VSTM2L: variants seen among roughly 807,000 people sequenced by gnomAD.
VSTM2L encodes V-set and transmembrane domain-containing protein 2-like protein.
A neutral mutation model predicts 19.9 loss-of-function variants in VSTM2L; 9 were observed. That is an observed-to-expected ratio of 0.45 (90% CI 0.27 to 0.79). The LOEUF (loss-of-function observed/expected upper bound fraction) is 0.79, where lower values mean the gene tolerates loss of function less well. VSTM2L is among the 30% of genes least tolerant of loss of function. The pLI, the probability that VSTM2L is intolerant of heterozygous loss-of-function variation, is 0.15. For synonymous variants in VSTM2L, 127 were observed against 133.8 expected (o/e 0.95, Z 0.35); for missense variants, 286 against 295.5 (o/e 0.97, Z 0.24).
chr20:37,932,085 C>T (rs1450344565), intron 2 of VSTM2L, among the ~76,000 whole-genome samples: 1 of 152,174 alleles, frequency 6.6e-6, no homozygotes, highest in Non-Finnish European at 1.5e-5. Context: ...CTTCGGGGTA[C>T]AGGTGAGGAA....
intron 2 of VSTM2L, among the ~76,000 whole-genome samples, chr20:37,933,031 G>C (rs748948366): frequency 6.6e-6 from 1 of 152,266 alleles, no homozygotes; most frequent in East Asian, 1.9e-4. Context: ...AGTGGCCAGA[G>C]AAAGCCCTTA....
At chr20:37,931,362 C>T (rs1481603104) in intron 1 of VSTM2L, among the ~76,000 whole-genome samples, 1 of 152,282 alleles carries the variant, frequency 6.6e-6, no homozygotes, top group South Asian at 2.1e-4. Context: ...TCTCCCACAG[C>T]GCCCGGCTGC....
At chr20:37,926,186 C>T (rs936437489) in intron 1 of VSTM2L, among the ~76,000 whole-genome samples, 22 of 152,174 alleles carry the variant, frequency 1.4e-4, no homozygotes, top group African/African-American at 5.1e-4. Flanking sequence ...CTCAGCCTAA[C>T]AAGTAGCTGA....
At chr20:37,910,634 C>T (rs754758867) in intron 1 of VSTM2L, among the ~76,000 whole-genome samples, 60 of 152,246 alleles carry the variant, frequency 3.9e-4, no homozygotes, top group Non-Finnish European at 7.5e-4. Flanking sequence ...AAGTATAGAG[C>T]TGGGTGCGGT....
At position 37,920,349 on chromosome 20, in the gene VSTM2L, T is replaced by C. The variant is rs1424579951; in HGVS notation, c.122-11286T>C. ...TCAGGCACATCACCTTCCTGTTGCA[T>C]CGTGGGCTCCAATCAGAAAGATGAT... On this transcript the variant is annotated intron_variant, in intron 1 of 3. Transcript: ENST00000373461. Among the ~76,000 whole-genome samples, 3 of 152,354 alleles carry C rather than the reference T, an allele frequency of 2.0e-5. No individual in the cohort carries two copies. The South Asian group carries it at 6.2e-4, about 32-fold the overall frequency.
chr20:37,921,078 C>A (rs963889706), intron 1 of VSTM2L, among the ~76,000 whole-genome samples: 2 of 152,192 alleles, frequency 1.3e-5, no homozygotes, highest in Non-Finnish European at 2.9e-5. Context: ...ATAACACACT[C>A]CAGATGTCAT....
At chr20:37,911,026 AC>A (rs1027813088) in intron 1 of VSTM2L, among the ~76,000 whole-genome samples, 6 of 151,808 alleles carry the variant, frequency 4.0e-5, no homozygotes, top group African/African-American at 1.5e-4. Context: ...TAATCCCAGC[AC>A]TTTGGGAGGC....
intron 1 of VSTM2L, among the ~76,000 whole-genome samples, chr20:37,924,567 A>G (rs1462759835): frequency 1.3e-5 from 2 of 151,900 alleles, no homozygotes; most frequent in Non-Finnish European, 2.9e-5. Context: ...AAAAAAAAAA[A>G]AAACAAAACA....
chr20:37,926,401 G>A (rs978004453), intron 1 of VSTM2L, among the ~76,000 whole-genome samples: 14 of 152,018 alleles, frequency 9.2e-5, no homozygotes, highest in Non-Finnish European at 1.9e-4. Flanking sequence ...AGGGCCAGGC[G>A]CGGTGGCTCA....
At position 37,920,052 on chromosome 20, in the gene VSTM2L, G is replaced by A. The variant is rs73908022; in HGVS notation, c.122-11583G>A. Reference sequence around the variant, plus strand: ...GTTCTCTGAGCTTTGGTTTTCTCACGCTGCTGGAAAAGGGCCAGGTATGGA... The same window carrying A: ...GTTCTCTGAGCTTTGGTTTTCTCACACTGCTGGAAAAGGGCCAGGTATGGA... On this transcript the variant is annotated intron_variant, in intron 1 of 3. Transcript: ENST00000373461. Among the ~76,000 whole-genome samples the A allele has an allele frequency of 4.7e-3, 722 of 152,302 alleles. 5 individuals are homozygous for A. The highest frequency in any genetic ancestry group is 0.016 in the African/African-American group (655 of 41,562).
intron 3 of VSTM2L, among the ~76,000 whole-genome samples, chr20:37,943,042 G>A (rs891948307): frequency 6.6e-5 from 10 of 152,164 alleles, no homozygotes; most frequent in Non-Finnish European, 1.3e-4. Context: ...TCAGCTCACT[G>A]CAACCTCCGC....
At chr20:37,932,726 ACTT>A (rs891829719) in intron 2 of VSTM2L, among the ~76,000 whole-genome samples, 1 of 152,094 alleles carries the variant, frequency 6.6e-6, no homozygotes, top group African/African-American at 2.4e-5. Flanking sequence ...CAAATAAACT[ACTT>A]GACCTTTGTC....
intron 1 of VSTM2L, among the ~76,000 whole-genome samples, chr20:37,903,711 A>ACACCGATATGCACAGCCG (rs2072735373): frequency 6.6e-6 from 1 of 152,170 alleles, no homozygotes; most frequent in Non-Finnish European, 1.5e-5. Flanking sequence ...CTGCATGGCC[A>ACACCGATATGCACAGCCG]CACCGATATG....
At chr20:37,918,532 C>A (rs367733020) in intron 1 of VSTM2L, among the ~76,000 whole-genome samples, 2 of 152,288 alleles carry the variant, frequency 1.3e-5, no homozygotes, top group East Asian at 1.9e-4. Flanking sequence ...TACAGTTACC[C>A]TCTATTTATG....
intron 1 of VSTM2L, among the ~76,000 whole-genome samples, chr20:37,917,771 C>A (rs2072828047): frequency 6.6e-6 from 1 of 152,190 alleles, no homozygotes; most frequent in South Asian, 2.1e-4. Context: ...TCTGCGGAGC[C>A]TGGGGTTGCG....
rs2072998996 is a variant in VSTM2L at position 37,944,813 on chromosome 20, G to T, written c.*560G>T. ...CAGGGTCACTCATGGAGGCCTAGGG[G>T]AACAGCGAGATGCCCCACCACCTCC... On this transcript the variant is annotated 3_prime_UTR_variant, in exon 4 of 4. Transcript: ENST00000373461. 1.0e-6 allele frequency: 1 copy of T among 986,128 alleles called. No homozygotes were observed. The highest frequency in any genetic ancestry group is 1.2e-6 in the Non-Finnish European group (1 of 830,210). The allele number at this position is 986,128 out of a possible 1,614,324, so 61.1% of individuals were successfully genotyped here.
chr20:37,917,175 G>A (rs769499300), intron 1 of VSTM2L, among the ~76,000 whole-genome samples: 263 of 152,196 alleles, frequency 1.7e-3, no homozygotes, highest in African/African-American at 6.1e-3. Context: ...TTAGTCAGGC[G>A]TGGTGGAGGC....
chr20:37,938,091 T>C (rs1406012494), intron 3 of VSTM2L, among the ~76,000 whole-genome samples: 2 of 151,644 alleles, frequency 1.3e-5, no homozygotes, highest in African/African-American at 4.9e-5. Flanking sequence ...GAAGGTTGTG[T>C]AGATCTGGGA....
chr20:37,941,138 G>A (rs2072969619), intron 3 of VSTM2L, among the ~76,000 whole-genome samples: 2 of 152,196 alleles, frequency 1.3e-5, no homozygotes, highest in Non-Finnish European at 2.9e-5. Flanking sequence ...GGAGTGCTGG[G>A]CTCTGTGATA....
Sources: allele counts gnomAD v4.1 joint callset (sites outside exome capture counted in the v4.1 genomes callset), GRCh38; gene constraint gnomAD v4.1.1; transcripts MANE v1.5; gene names NCBI Gene and HGNC (gene_info 2026-07-23, HGNC 2026-07-21).